ESYT3: variants seen among roughly 807,000 people sequenced by gnomAD.
ESYT3 encodes extended synaptotagmin-3.
Under a neutral mutation model 111.5 loss-of-function variants are expected in ESYT3, and 101 were observed. The observed-to-expected ratio is 0.91, with a 90% CI of 0.77 to 1.07. The LOEUF (loss-of-function observed/expected upper bound fraction) is 1.07, where lower values mean the gene tolerates loss of function less well. Among genes scored for constraint, ESYT3 ranks in the 50% least tolerant of loss-of-function variants. ESYT3 has a pLI of 0.00. For missense variants in ESYT3, 1,097 were observed against 1,109.4 expected, an observed-to-expected ratio of 0.99 and a Z score of 0.16; for synonymous variants, 416 against 446.8, an observed-to-expected ratio of 0.93 and a Z score of 0.87.
intron 14 of ESYT3, chr3:138,469,174 G>A: frequency 1.7e-6 from 1 of 594,000 alleles, no homozygotes; most frequent in Non-Finnish European, 3.0e-6. Context: ...ATAGCCCCAG[G>A]GAACGAGAGC....
In ESYT3 at chr3:138,455,297, T is replaced by G; in HGVS notation, c.473T>G (p.Phe158Cys). 6.2e-7 allele frequency: 1 copy of G among 1,614,048 alleles called. No homozygotes were observed. ...IREKSIHLRT[F>C]TFTKLYFGQK... ...GAGAAGAGCATCCACCTGAGGACCT[T>G]TACCTTTACCAAGCTCTACTTTGGA... The change falls in exon 3 of 23, where the codon TTT becomes TGT. Residue 158 changes from phenylalanine (F) to cysteine (C), a missense_variant. Physicochemically the swap from Phe to Cys is radical, Grantham distance 205. Coordinates refer to ENST00000389567, the MANE Select transcript of ESYT3 (RefSeq NM_031913.5).
intron 8 of ESYT3, 44 bp downstream of exon 8, chr3:138,462,250 G>A: frequency 1.9e-6 from 3 of 1,613,332 alleles, no homozygotes; most frequent in Non-Finnish European, 1.7e-6. Flanking sequence ...CTGGGAGGCA[G>A]CGCAAATATC....
At chr3:138,473,687 A>G in intron 19 of ESYT3, 53 bp downstream of exon 19, 1 of 1,477,986 alleles carries the variant, frequency 6.8e-7, no homozygotes, top group Admixed American at 1.7e-5. Flanking sequence ...GGTGACCATA[A>G]ATCAGAGTAG....
chr3:138,435,391 G>T lies in ESYT3; in HGVS notation c.327+266G>T, dbSNP rs961027255. Reference sequence around the variant, plus strand: ...GGTTTCATTTAAGGCCCCAGAGCTCGAGAGAAGAGTCACGGGCAGACCACA... The same window carrying T: ...GGTTTCATTTAAGGCCCCAGAGCTCTAGAGAAGAGTCACGGGCAGACCACA... On this transcript the variant is annotated intron_variant, in intron 1 of 22. Coordinates refer to ENST00000389567, the MANE Select transcript of ESYT3 (RefSeq NM_031913.5). The surrounding 1 kb of genome is among the most constrained non-coding windows in gnomAD (Gnocchi z 4.8). Among the ~76,000 whole-genome samples, 1 of 152,222 alleles carries T rather than the reference G, an allele frequency of 6.6e-6. No individual in the cohort carries two copies. Among genetic ancestry groups the T allele is most frequent in the Non-Finnish European group, 1.5e-5 (1 of 68,034 alleles).
rs561623888 is a variant in ESYT3, at chr3:138,435,460, C to G, written c.327+335C>G. Among the ~76,000 whole-genome samples the G allele has an allele frequency of 5.9e-5, 9 of 152,214 alleles. No individual in the cohort carries two copies. The highest frequency in any genetic ancestry group is 1.9e-4 in the African/African-American group (8 of 41,456). On this transcript the variant is annotated intron_variant, in intron 1 of 22. Coordinates refer to ENST00000389567, the MANE Select transcript of ESYT3 (RefSeq NM_031913.5). This position sits in a 1 kb window ranked among gnomAD's most constrained non-coding sequence, Gnocchi z 4.8. The stretch of plus-strand genomic sequence containing the variant: ...GCGTCTGGGACTTCGCAGACTTACT[C>G]GGGTTGGAATCAGAAGGCATTTCTT...
In ESYT3 at chr3:138,474,226, TAACACC is replaced by T; in HGVS notation, c.2344_2349del (p.Thr782_Pro783del). 6.5e-7 allele frequency: 1 copy of T among 1,549,838 alleles called. No individual in the cohort carries two copies. Among genetic ancestry groups the T allele is most frequent in the Non-Finnish European group, 8.8e-7 (1 of 1,139,934 alleles). ...TGTCTTTGACACCAAATCAGAAACC[TAACACC>T]ATGTACCAGCAGTGGAGCTGATCCC... On this transcript the variant is annotated inframe_deletion, in exon 20 of 23. Transcript: ENST00000389567.
At position 138,459,268 on chromosome 3, in the gene ESYT3, G is replaced by A; in HGVS notation, c.648+15G>A. ...ACGGGATCCAGGTGGGTGGAGCCCG[G>A]TGGGGCTGCCTCTGTTCCAGCCCCC... On this transcript the variant is annotated intron_variant, in intron 5 of 22. Coordinates refer to ENST00000389567, the MANE Select transcript of ESYT3 (RefSeq NM_031913.5). 6.5e-7 allele frequency: 1 copy of A among 1,540,854 alleles called. No individual in the cohort carries two copies. Among genetic ancestry groups the A allele is most frequent in the South Asian group, 1.3e-5 (1 of 79,914 alleles).
rs755120267 is a variant in ESYT3 at position 138,476,272 on chromosome 3, G to A, written c.2518G>A (p.Val840Ile). ...MEEVKKRSLD[V>I]AVKNSRPLGS... Reference sequence around the variant, plus strand: ...AGAAGTAAAGAAGAGGTCACTAGATGTTGCAGTGAAAAATAGTAGGCCACT... The same window carrying A: ...AGAAGTAAAGAAGAGGTCACTAGATATTGCAGTGAAAAATAGTAGGCCACT... Residue 840 changes from valine (V) to isoleucine (I), a missense_variant, in exon 21 of 23, where the codon GTT (valine) becomes ATT (isoleucine). By Grantham distance (29) the Val-to-Ile change is conservative (BLOSUM62 3). Transcript: ENST00000389567. 1.9e-6 allele frequency: 3 copies of A among 1,614,046 alleles called. No individual in the cohort carries two copies. Among genetic ancestry groups the A allele is most frequent in the South Asian group, 2.2e-5 (2 of 91,076 alleles).
In ESYT3 at chr3:138,478,388, CATA is replaced by C. The variant is rs1399937560; in HGVS notation, c.*1539_*1541del. On this transcript the variant is annotated 3_prime_UTR_variant, in exon 23 of 23. Coordinates refer to ENST00000389567, the MANE Select transcript of ESYT3 (RefSeq NM_031913.5). Reference sequence around the variant, plus strand: ...GTTTCTATTTTAAATGGCAAATTCTCATAATAAAATGGAGCATTGATGCCTACC... The same window carrying C: ...GTTTCTATTTTAAATGGCAAATTCTCATAAAATGGAGCATTGATGCCTACC... The C allele has an allele frequency of 6.6e-6, 1 of 152,126 alleles. No individual in the cohort carries two copies. The highest frequency in any genetic ancestry group is 6.5e-5 in the Admixed American group (1 of 15,280). 9.4% of individuals were successfully genotyped at this position (152,126 alleles called of 1,614,324 possible). A position where few individuals can be genotyped will look rare whatever the true frequency, so the allele number is the denominator to read the frequency against.
In ESYT3 at chr3:138,472,401, C is replaced by T. The variant is rs2033266902; in HGVS notation, c.1779C>T (p.Tyr593=). The T allele has an allele frequency of 6.2e-7, 1 of 1,614,128 alleles. No homozygotes were observed. The highest frequency in any genetic ancestry group is 8.5e-7 in the Non-Finnish European group (1 of 1,180,020). Residue 593 remains tyrosine (Y), a synonymous_variant, in exon 18 of 23, where the codon TAC becomes TAT. Transcript: ENST00000389567. ...AGGAACGAGAGCTGGGGAGCCCATACACAGGACCTGAAGCCCTAAAGAAAG... is the reference window on the plus strand; with the variant it reads ...AGGAACGAGAGCTGGGGAGCCCATATACAGGACCTGAAGCCCTAAAGAAAG... ...QVEERELGSP[Y]TGPEALKKGP...
intron 9 of ESYT3, 150 bp from the exon 10 acceptor site, chr3:138,465,189 G>A: frequency 1.7e-6 from 1 of 599,136 alleles, no homozygotes; most frequent in Non-Finnish European, 3.0e-6. Context: ...CCGAAGGGGA[G>A]GGGCTTCACT....
In ESYT3 at chr3:138,472,789, C is replaced by G. The variant is rs1216597329; in HGVS notation, c.2167C>G (p.Pro723Ala). The G allele has an allele frequency of 5.6e-6, 9 of 1,614,220 alleles. No homozygotes were observed. The South Asian group carries it at 9.9e-5, about 18-fold the overall frequency. The stretch of plus-strand genomic sequence containing the variant: ...CGCATGGCCGCCCAAGAGGCTGGCT[C>G]CCAGCATGTCCTCGCTCAACTCCTT... ...PFAWPPKRLA[P>A]SMSSLNSLAS... Residue 723 changes from proline (P) to alanine (A), a missense_variant, in exon 18 of 23, where the codon CCC becomes GCC. By Grantham distance (27) the Pro-to-Ala change is conservative (BLOSUM62 -1). Coordinates refer to ENST00000389567, the MANE Select transcript of ESYT3 (RefSeq NM_031913.5).
chr3:138,477,234 C>G lies in ESYT3; in HGVS notation c.*380C>G, dbSNP rs1157662824. 6.1e-6 allele frequency: 1 copy of G among 165,060 alleles called. No homozygotes were observed. Among genetic ancestry groups the G allele is most frequent in the Non-Finnish European group, 1.3e-5 (1 of 76,832 alleles). The allele number at this position is 165,060 out of a possible 1,614,324, so 10.2% of individuals were successfully genotyped here. ...AATGTATGTACCAGAAAGTGTCCTG[C>G]CTCTGGCATAGGGGCTGGGGGAGGT... is the stretch of plus-strand genomic sequence containing the variant. On this transcript the variant is annotated 3_prime_UTR_variant, in exon 23 of 23. Transcript: ENST00000389567.
rs982650098 is a variant in ESYT3, at chr3:138,476,869, A to C, written c.*15A>C. ...CCAGAAGCTGATGATGAGAATTCTTATCACTCACCTTTATATTAAAATGTA... is the reference window on the plus strand; with the variant it reads ...CCAGAAGCTGATGATGAGAATTCTTCTCACTCACCTTTATATTAAAATGTA... On this transcript the variant is annotated 3_prime_UTR_variant, in exon 23 of 23. Transcript: ENST00000389567. 1 of 1,611,048 alleles carries C rather than the reference A, an allele frequency of 6.2e-7. No individual in the cohort carries two copies. Among genetic ancestry groups the C allele is most frequent in the Non-Finnish European group, 8.5e-7 (1 of 1,177,358 alleles).
intron 1 of ESYT3, among the ~76,000 whole-genome samples, chr3:138,437,496 T>G (rs2108588254): frequency 6.6e-6 from 1 of 152,056 alleles, no homozygotes; most frequent in South Asian, 2.1e-4. Flanking sequence ...AGCATGGAGG[T>G]GTGACATAGC....
chr3:138,435,273 G>C lies in ESYT3; in HGVS notation c.327+148G>C, dbSNP rs2108585643. The C allele has an allele frequency of 1.2e-6, 1 of 801,216 alleles. No individual in the cohort carries two copies. Among genetic ancestry groups the C allele is most frequent in the African/African-American group, 1.8e-5 (1 of 56,820 alleles). The allele number at this position is 801,216 out of a possible 1,614,324, so 49.6% of individuals were successfully genotyped here. ...CACCCCGTTCCCCACCGCTCCCGGG[G>C]CGCAGACCCTGGGGACGGTGACCGC... On this transcript the variant is annotated intron_variant, in intron 1 of 22. Transcript: ENST00000389567. This position sits in a 1 kb window ranked among gnomAD's most constrained non-coding sequence, Gnocchi z 4.8.
intron 1 of ESYT3, among the ~76,000 whole-genome samples, chr3:138,439,291 T>C (rs1282777515): frequency 1.3e-5 from 2 of 152,284 alleles, no homozygotes; most frequent in East Asian, 3.9e-4. Flanking sequence ...AGCTCGTCTT[T>C]CCAGCATCTG....
intron 1 of ESYT3, among the ~76,000 whole-genome samples, chr3:138,441,082 T>C (rs1362169929): frequency 6.6e-6 from 1 of 152,176 alleles, no homozygotes; most frequent in Non-Finnish European, 1.5e-5. Context: ...GGAAGCCTTC[T>C]TGGAGGAAGA....
chr3:138,452,255 TAAC>T (rs1415856921), intron 2 of ESYT3, among the ~76,000 whole-genome samples, 166 bp downstream of exon 2: 3 of 152,182 alleles, frequency 2.0e-5, no homozygotes, highest in Admixed American at 1.3e-4. Context: ...TCGCTTTTGT[TAAC>T]AACAACAAAT....
Sources: allele counts gnomAD v4.1 joint callset (sites outside exome capture counted in the v4.1 genomes callset), GRCh38; gene constraint gnomAD v4.1.1; non-coding constraint Gnocchi (gnomAD v3.1); transcripts MANE v1.5; gene names NCBI Gene and HGNC (gene_info 2026-07-23, HGNC 2026-07-21).